Variants in ROBO2 observed in about 807,000 individuals in gnomAD.
ROBO2 encodes roundabout guidance receptor 2, also known as roundabout homolog 2.
In ROBO2, 53 loss-of-function variants were observed where a neutral mutation model predicts 160.8. The observed-to-expected ratio is 0.33, with a 90% CI of 0.26 to 0.41. The LOEUF (loss-of-function observed/expected upper bound fraction) is 0.41, where lower values mean the gene tolerates loss of function less well. Among genes scored for constraint, ROBO2 ranks in the 10% least tolerant of loss-of-function variants. The pLI, the probability that ROBO2 is intolerant of heterozygous loss-of-function variation, is 1.00. For synonymous variants in ROBO2, 664 were observed against 611.7 expected, an observed-to-expected ratio of 1.09 and a Z score of -1.26; for missense variants, 1,577 against 1,722.4, an observed-to-expected ratio of 0.92 and a Z score of 1.49.
chr3:76,572,047 G>A (rs1031382770), intron 2 of ROBO2, among the ~76,000 whole-genome samples: 7 of 152,098 alleles, frequency 4.6e-5, no homozygotes, highest in Non-Finnish European at 7.4e-5. Context: ...ACCTTAAGAA[G>A]TGATATTATA....
chr3:76,703,892 C>A (rs2093099967), intron 2 of ROBO2, among the ~76,000 whole-genome samples: 1 of 151,940 alleles, frequency 6.6e-6, no homozygotes, highest in Admixed American at 6.6e-5. Context: ...AATGGGATTG[C>A]TGGGTCAAAT....
At chr3:77,290,963 T>C (rs1264018844) in intron 2 of ROBO2, among the ~76,000 whole-genome samples, 1 of 60,308 alleles carries the variant, frequency 1.7e-5, no homozygotes, top group Non-Finnish European at 4.8e-5. Context: ...GCTAGAGCAC[T>C]AAAGACATAA....
chr3:76,044,771 G>A (rs1415210521), intron 2 of ROBO2, among the ~76,000 whole-genome samples: 3 of 151,996 alleles, frequency 2.0e-5, no homozygotes, highest in Non-Finnish European at 4.4e-5. Flanking sequence ...TACACAGAGG[G>A]CTGACATATA....
intron 1 of ROBO2, among the ~76,000 whole-genome samples, chr3:77,045,776 C>T (rs2064593351): frequency 6.6e-6 from 1 of 152,176 alleles, no homozygotes; most frequent in Admixed American, 6.5e-5. Context: ...TTCCACCATC[C>T]CTCCACCAAC....
At chr3:77,448,151 T>C (rs529861257) in intron 2 of ROBO2, among the ~76,000 whole-genome samples, 3 of 152,242 alleles carry the variant, frequency 2.0e-5, no homozygotes, top group South Asian at 4.1e-4. Flanking sequence ...AGAAAAATAA[T>C]GCAGTGGCAT....
chr3:77,467,829 A>C (rs1428621235), intron 2 of ROBO2, among the ~76,000 whole-genome samples: 1 of 152,168 alleles, frequency 6.6e-6, no homozygotes, highest in African/African-American at 2.4e-5. Context: ...CAAAGTTATA[A>C]GCATTGCTTT....
chr3:76,855,525 T>C (rs993635587), intron 2 of ROBO2, among the ~76,000 whole-genome samples: 1 of 152,238 alleles, frequency 6.6e-6, no homozygotes, highest in Non-Finnish European at 1.5e-5. Context: ...TTTGATAAGA[T>C]TGCATAATTC....
chr3:76,615,831 C>T (rs138927650), intron 2 of ROBO2, among the ~76,000 whole-genome samples: 158 of 152,252 alleles, frequency 1.0e-3, no homozygotes, highest in Admixed American at 1.9e-3. Flanking sequence ...TCATCACTTT[C>T]GAGGCTCACA....
At chr3:76,335,190 T>TG (rs2073791876) in intron 2 of ROBO2, among the ~76,000 whole-genome samples, 1 of 143,212 alleles carries the variant, frequency 7.0e-6, no homozygotes, top group Admixed American at 7.0e-5. Flanking sequence ...TTTTTTTTTT[T>TG]TTTTTTTTTT....
At chr3:76,999,227 C>T (rs1452751536) in intron 2 of ROBO2, among the ~76,000 whole-genome samples, 1 of 151,580 alleles carries the variant, frequency 6.6e-6, no homozygotes, top group Non-Finnish European at 1.5e-5. Context: ...GTGGAATGAA[C>T]TCTTGTTTCT....
intron 2 of ROBO2, among the ~76,000 whole-genome samples, chr3:76,196,154 A>G (rs919361060): frequency 1.3e-4 from 19 of 151,982 alleles, no homozygotes. Context: ...CCTGATTCTT[A>G]TTTCCCATTT....
intron 2 of ROBO2, among the ~76,000 whole-genome samples, chr3:76,683,852 G>T (rs955990277): frequency 6.6e-6 from 1 of 151,846 alleles, no homozygotes; most frequent in African/African-American, 2.4e-5. Flanking sequence ...TTTTATTCCC[G>T]TTTGAAATTT....
At chr3:77,092,654 A>G (rs2070465941) in intron 1 of ROBO2, among the ~76,000 whole-genome samples, 1 of 147,308 alleles carries the variant, frequency 6.8e-6, no homozygotes, top group Non-Finnish European at 1.5e-5. Context: ...TTTTAACAAT[A>G]TATATTATTT....
In ROBO2 at chr3:77,541,136, A is replaced by G. The variant is rs139552595; in HGVS notation, c.935-5202A>G. On this transcript the variant is annotated intron_variant, in intron 6 of 25. Coordinates refer to ENST00000461745, the Ensembl canonical transcript of ROBO2. ...GGCATAAAATTATATCCAAAGAAAA[A>G]GAGTGGCTGAGCATGACTGTATTCA... is the stretch of plus-strand genomic sequence containing the variant. Among the ~76,000 whole-genome samples the G allele has an allele frequency of 2.0e-3, 301 of 152,360 alleles. 4 individuals carry two copies. Among genetic ancestry groups the G allele is most frequent in the African/African-American group, 6.7e-3 (277 of 41,594 alleles).
intron 2 of ROBO2, among the ~76,000 whole-genome samples, chr3:76,867,391 T>G (rs2071492326): frequency 6.6e-6 from 1 of 152,148 alleles, no homozygotes. Context: ...TTTATAAATG[T>G]TTATGTATGT....
intron 2 of ROBO2, among the ~76,000 whole-genome samples, chr3:76,929,816 A>G (rs749822453): frequency 9.9e-5 from 15 of 150,910 alleles, no homozygotes; most frequent in East Asian, 2.0e-4. Flanking sequence ...AGAGACTCCA[A>G]TGTCTGTGAA....
rs774323653 is a variant in ROBO2 at position 76,881,036 on chromosome 3, C to T, written c.110-216978C>T. On this transcript the variant is annotated intron_variant, in intron 2 of 26. Transcript: ENST00000487694. ...CTGTTTCTTCCAGCAGAGTTTTGTT[C>T]GAGGGCCATTAGCTGTGATGCTTAA... Among the ~76,000 whole-genome samples the T allele has an allele frequency of 1.2e-4, 18 of 152,204 alleles. No individual in the cohort carries two copies. In the South Asian group the frequency reaches 1.5e-3, roughly 12 times the overall value.
intron 2 of ROBO2, among the ~76,000 whole-genome samples, chr3:77,468,294 A>T (rs886335256): frequency 2.6e-5 from 4 of 152,204 alleles, no homozygotes; most frequent in Admixed American, 2.6e-4. Flanking sequence ...TTTAACTGCA[A>T]ACCAAAGCAA....
intron 15 of ROBO2, among the ~76,000 whole-genome samples, chr3:77,578,244 T>C (rs1487560216): frequency 1.3e-5 from 2 of 152,142 alleles, no homozygotes; most frequent in East Asian, 3.9e-4. Flanking sequence ...ATTTGGTGTG[T>C]AAAGTAGAAA....
Sources: gnomAD v4.1 joint callset for allele counts (sites outside exome capture counted in the v4.1 genomes callset) on GRCh38, gnomAD v4.1.1 for gene constraint, MANE v1.5 for transcripts, NCBI Gene and HGNC (gene_info 2026-07-23, HGNC 2026-07-21) for gene names.